KIF13B: variants seen among roughly 807,000 people sequenced by gnomAD.
KIF13B encodes the protein kinesin-like protein KIF13B.
In KIF13B, 127 loss-of-function variants were observed where a neutral mutation model predicts 222.0. The observed-to-expected ratio is 0.57, with a 90% CI of 0.50 to 0.66. The LOEUF (loss-of-function observed/expected upper bound fraction) is 0.66, where lower values mean the gene tolerates loss of function less well. Ranked by LOEUF, KIF13B falls within the 30% of genes least tolerant of loss-of-function variation. KIF13B has a pLI of 0.00. For synonymous variants in KIF13B, 976 were observed against 919.0 expected (o/e 1.06, Z -1.12); for missense variants, 2,173 against 2,379.0 (o/e 0.91, Z 1.80).
At chr8:29,092,901 A>C in intron 36 of KIF13B, 23 bp from the exon 37 acceptor site, 1 of 1,581,978 alleles carries the variant, frequency 6.3e-7, no homozygotes, top group Non-Finnish European at 8.6e-7. Flanking sequence ...CAGGGGAAAA[A>C]GATAAAACAA....
chr8:29,140,738 A>AT, intron 19 of KIF13B, 121 bp from the exon 20 acceptor site: 1 of 911,596 alleles, frequency 1.1e-6, no homozygotes. Context: ...TAACTCTTGT[A>AT]TTTTTTAGAG....
At chr8:29,153,987 T>A (rs4636248) in intron 14 of KIF13B, among the ~76,000 whole-genome samples, 13,152 of 152,308 alleles carry the variant, frequency 0.086, 981 homozygotes, top group African/African-American at 0.19. Flanking sequence ...TCTAGATTTC[T>A]TTCATGATGC....
At chr8:29,184,936 A>G (rs7007878) in intron 6 of KIF13B, among the ~76,000 whole-genome samples, 78,017 of 151,788 alleles carry the variant, frequency 0.51, 21,290 homozygotes, top group African/African-American at 0.69. Flanking sequence ...GGTACTCTCT[A>G]GCCTCTTTGT....
At position 29,071,952 on chromosome 8, in the gene KIF13B, C is replaced by A; in HGVS notation, c.4886G>T (p.Ser1629Ile). The change falls in exon 39 of 40, where the codon AGC becomes ATC. Residue 1629 changes from serine (S) to isoleucine (I), a missense_variant. By Grantham distance (142) the Ser-to-Ile change is moderately radical. Around this residue, in one of 2 missense-constraint regions of KIF13B, gnomAD observed 693 missense variants for 656.2 expected, o/e 1.06. Coordinates refer to ENST00000524189, the MANE Select transcript of KIF13B (RefSeq NM_015254.4). This position sits in a 1 kb window ranked among gnomAD's most constrained non-coding sequence, Gnocchi z 4.9. The part of the protein sequence containing the change: ...EEPPGPQQLV[S>I]PGRERPDLEA... ...GAGGTCGGGGCGCTCCCGACCGGGG[C>A]TCACGAGCTGCTGGGGGCCAGGGGG... The A allele has an allele frequency of 7.3e-7, 1 of 1,361,506 alleles. No individual in the cohort carries two copies. Among genetic ancestry groups the A allele is most frequent in the Non-Finnish European group, 9.4e-7 (1 of 1,063,972 alleles). 84.3% of individuals were successfully genotyped at this position (1,361,506 alleles called of 1,614,324 possible). A position where few individuals can be genotyped will look rare whatever the true frequency, so the allele number is the denominator to read the frequency against.
chr8:29,143,241 C>T (rs1305516047), intron 18 of KIF13B, among the ~76,000 whole-genome samples: 2 of 152,300 alleles, frequency 1.3e-5, no homozygotes, highest in East Asian at 3.9e-4. Flanking sequence ...TTATTCAGGC[C>T]ACCATATGAC....
At chr8:29,130,290 T>C (rs570216618) in intron 24 of KIF13B, among the ~76,000 whole-genome samples, 28 of 152,328 alleles carry the variant, frequency 1.8e-4, no homozygotes, top group Non-Finnish European at 3.8e-4. Context: ...GGTGGGAGGA[T>C]TGCTTGAGCC....
rs774081586 is a variant in KIF13B, at chr8:29,155,747, A to G, written c.1514T>C (p.Leu505Pro). The G allele has an allele frequency of 1.2e-6, 2 of 1,605,984 alleles. No individual in the cohort carries two copies. Among genetic ancestry groups the G allele is most frequent in the South Asian group, 2.2e-5 (2 of 89,242 alleles). The change falls in exon 14 of 40, where the codon CTG becomes CCG. Residue 505 changes from leucine to proline, a missense_variant. Around this residue, in one of 2 missense-constraint regions of KIF13B, gnomAD observed 1,480 missense variants for 1,722.8 expected, o/e 0.86. Coordinates refer to ENST00000524189, the MANE Select transcript of KIF13B (RefSeq NM_015254.4). ...IDITSEGQVM[L>P]TPQKNTRTFV... ...TTACCTGGTGTTCTTCTGAGGAGTC[A>G]GCATAACCTGGCCTTCTGACGTGAT...
chr8:29,107,823 G>C (rs1809162403), intron 35 of KIF13B, among the ~76,000 whole-genome samples: 1 of 152,068 alleles, frequency 6.6e-6, no homozygotes, highest in South Asian at 2.1e-4. Context: ...GCCTCCCAAA[G>C]TGCTGGGATT....
At chr8:29,217,270 A>G (rs1814527495) in intron 2 of KIF13B, among the ~76,000 whole-genome samples, 1 of 152,252 alleles carries the variant, frequency 6.6e-6, no homozygotes, top group African/African-American at 2.4e-5. Flanking sequence ...GCCAACAGAC[A>G]GAAAGCCATT....
At chr8:29,189,587 G>A (rs1395359420) in intron 4 of KIF13B, 1 of 152,208 alleles carries the variant, frequency 6.6e-6, no homozygotes, top group Non-Finnish European at 1.5e-5. Context: ...AATTTAGAGA[G>A]AATATGGCAT....
intron 36 of KIF13B, 87 bp downstream of exon 36, chr8:29,099,046 T>A: frequency 9.8e-7 from 1 of 1,016,056 alleles, no homozygotes; most frequent in Non-Finnish European, 1.6e-6. Flanking sequence ...AGCAGAACAG[T>A]GGCTGCCTGG....
chr8:29,101,837 C>T (rs1268424635), intron 35 of KIF13B, among the ~76,000 whole-genome samples: 1 of 152,192 alleles, frequency 6.6e-6, no homozygotes, highest in Non-Finnish European at 1.5e-5. Flanking sequence ...AGATGCTAAA[C>T]TGGGTACCAC....
intron 37 of KIF13B, among the ~76,000 whole-genome samples, chr8:29,091,728 C>CG (rs1158989015): frequency 1.3e-5 from 2 of 152,208 alleles, no homozygotes; most frequent in Non-Finnish European, 2.9e-5. Flanking sequence ...CTGCCTACCT[C>CG]GGTCCCCACA....
At chr8:29,172,511 A>C (rs1394889660) in intron 10 of KIF13B, among the ~76,000 whole-genome samples, 1 of 152,238 alleles carries the variant, frequency 6.6e-6, no homozygotes, top group Non-Finnish European at 1.5e-5. Flanking sequence ...CTTTTAAAAA[A>C]TGTTATGGTT....
intron 36 of KIF13B, among the ~76,000 whole-genome samples, chr8:29,097,557 A>G (rs368379545): frequency 1.0e-3 from 159 of 152,326 alleles, no homozygotes; most frequent in Non-Finnish European, 2.0e-3. Context: ...ATTAACCAAG[A>G]TAGAACACAA....
chr8:29,171,074 C>T (rs1218958597), intron 10 of KIF13B, among the ~76,000 whole-genome samples: 4 of 152,158 alleles, frequency 2.6e-5, no homozygotes, highest in South Asian at 2.1e-4. Context: ...GTCATCCAGG[C>T]GACAGATGAA....
intron 15 of KIF13B, among the ~76,000 whole-genome samples, chr8:29,150,096 T>A (rs1811231750): frequency 6.6e-6 from 1 of 152,194 alleles, no homozygotes; most frequent in South Asian, 2.1e-4. Flanking sequence ...TTCCAGAGTA[T>A]ATTGTTTATA....
At chr8:29,101,563 G>C (rs1208895936) in intron 35 of KIF13B, among the ~76,000 whole-genome samples, 1 of 152,134 alleles carries the variant, frequency 6.6e-6, no homozygotes, top group Admixed American at 6.6e-5. Context: ...AATCAGAACA[G>C]AGCAGTAACT....
At chr8:29,108,686 T>A (rs1345659047) in intron 34 of KIF13B, among the ~76,000 whole-genome samples, 2 of 152,236 alleles carry the variant, frequency 1.3e-5, no homozygotes, top group Non-Finnish European at 2.9e-5. Context: ...GTTAAAGTGA[T>A]CTTCCTAAAT....
Sources: gnomAD v4.1 joint callset for allele counts (sites outside exome capture counted in the v4.1 genomes callset) on GRCh38, gnomAD v4.1.1 for gene constraint, gnomAD v4.1.1 regional missense constraint, Gnocchi (gnomAD v3.1) non-coding constraint, MANE v1.5 for transcripts, NCBI Gene and HGNC (gene_info 2026-07-23, HGNC 2026-07-21) for gene names.